PNKD: variants seen among roughly 807,000 people sequenced by gnomAD.
The protein encoded by PNKD is PNKD metallo-beta-lactamase domain containing, also known as probable thioesterase PNKD.
A neutral mutation model predicts 45.3 loss-of-function variants in PNKD; 36 were observed. The observed-to-expected ratio is 0.80, with a 90% confidence interval of 0.61 to 1.05. PNKD has a LOEUF of 1.05. Among genes scored for constraint, PNKD ranks in the 50% least tolerant of loss-of-function variants. The pLI, the probability that PNKD is intolerant of heterozygous loss-of-function variation, is 0.00. For missense variants in PNKD, 511 were observed against 506.6 expected (o/e 1.01, Z -0.08); for synonymous variants, 197 against 210.1 (o/e 0.94, Z 0.54).
intron 2 of PNKD, among the ~76,000 whole-genome samples, chr2:218,301,448 C>T (rs374101828): frequency 2.6e-5 from 4 of 152,248 alleles, no homozygotes; most frequent in Admixed American, 6.5e-5. Context: ...AGTTCCCAGA[C>T]ATGACCACTA....
chr2:218,331,137 G>A (rs757997217), intron 2 of PNKD, among the ~76,000 whole-genome samples: 7 of 152,198 alleles, frequency 4.6e-5, no homozygotes, highest in African/African-American at 1.7e-4. Context: ...GGTTCCAGCC[G>A]GACATGGTGG....
chr2:218,280,174 C>T (rs756070471), intron 2 of PNKD: 26 of 1,372,478 alleles, frequency 1.9e-5, no homozygotes, highest in Non-Finnish European at 2.6e-5. Context: ...AGACATGTGG[C>T]GTCAATCCCA....
intron 2 of PNKD, chr2:218,272,462 A>T: frequency 1.0e-6 from 1 of 970,140 alleles, no homozygotes; most frequent in Non-Finnish European, 1.7e-6. Flanking sequence ...AGACTATAAG[A>T]GGTATTGCAG....
In PNKD at chr2:218,271,555, T is replaced by C. The variant is rs1481240008; in HGVS notation, c.236+6T>C. On this transcript the variant is annotated splice_donor_region_variant and intron_variant, in intron 2 of 9. Transcript: ENST00000273077. Reference sequence around the variant, plus strand: ...AAAGCTGTGGGACTGGCCTGGTGAGTTTTAACCACCCCTTTGCCCACCAAC... The same window carrying C: ...AAAGCTGTGGGACTGGCCTGGTGAGCTTTAACCACCCCTTTGCCCACCAAC... The C allele has an allele frequency of 6.2e-7, 1 of 1,613,166 alleles. No homozygotes were observed. The highest frequency in any genetic ancestry group is 1.1e-5 in the South Asian group (1 of 91,024).
chr2:218,284,279 G>A (rs1336923425), intron 2 of PNKD: 1 of 152,206 alleles, frequency 6.6e-6, no homozygotes, highest in Non-Finnish European at 1.5e-5. Flanking sequence ...GTGAAATAAG[G>A]TGGGGGCGAC....
intron 9 of PNKD, 113 bp from the exon 10 acceptor site, chr2:218,344,695 C>T (rs1574723761): frequency 1.4e-6 from 2 of 1,404,328 alleles, no homozygotes; most frequent in South Asian, 1.2e-5. Context: ...GCCCATGGGC[C>T]CTCAAGTCAG....
intron 2 of PNKD, among the ~76,000 whole-genome samples, chr2:218,276,536 G>C (rs938440424): frequency 6.6e-6 from 1 of 152,136 alleles, no homozygotes; most frequent in Non-Finnish European, 1.5e-5. Context: ...GTCCACAGAA[G>C]GACAGAGCTG....
At chr2:218,324,222 C>CCCTT (rs1694079199) in intron 2 of PNKD, among the ~76,000 whole-genome samples, 1 of 152,206 alleles carries the variant, frequency 6.6e-6, no homozygotes, top group South Asian at 2.1e-4. Flanking sequence ...CTCCGAGGCC[C>CCCTT]CCTGTCCCCT....
In PNKD at chr2:218,303,279, C is replaced by A. The variant is rs150215831; in HGVS notation, c.236+31730C>A. ...AGTCTTTCAGGTTAACTTTGGAATG[C>A]CCTGGCAGAGGAGGGAGTCCATTCA... is the stretch of plus-strand genomic sequence containing the variant. On this transcript the variant is annotated intron_variant, in intron 2 of 9. Transcript: ENST00000273077. Among the ~76,000 whole-genome samples the A allele has an allele frequency of 4.6e-5, 7 of 152,162 alleles. No homozygotes were observed. The East Asian group carries it at 1.4e-3, about 29-fold the overall frequency.
chr2:218,273,339 T>G (rs1203336429), intron 2 of PNKD, among the ~76,000 whole-genome samples: 1 of 152,064 alleles, frequency 6.6e-6, no homozygotes, highest in Non-Finnish European at 1.5e-5. Flanking sequence ...GTTGTGATCG[T>G]CAGCTCACTG....
chr2:218,330,663 T>C (rs1307058587), intron 2 of PNKD, among the ~76,000 whole-genome samples: 18 of 152,226 alleles, frequency 1.2e-4, no homozygotes. Context: ...GGAAATTTTA[T>C]TTTCTTTTTG....
intron 2 of PNKD, among the ~76,000 whole-genome samples, chr2:218,273,606 G>A (rs1174545847): frequency 1.3e-5 from 2 of 151,468 alleles, no homozygotes; most frequent in African/African-American, 4.9e-5. Flanking sequence ...TCAGCCTCCA[G>A]AGTAGCTGGG....
At chr2:218,343,136 G>T (rs559778804) in intron 7 of PNKD, among the ~76,000 whole-genome samples, 18 of 152,224 alleles carry the variant, frequency 1.2e-4, no homozygotes, top group African/African-American at 4.3e-4. Context: ...GTGGGTGGGT[G>T]AGGATCACAA....
chr2:218,338,565 G>A (rs546404628), intron 2 of PNKD, among the ~76,000 whole-genome samples: 116 of 151,830 alleles, frequency 7.6e-4, no homozygotes, highest in African/African-American at 2.6e-3. Context: ...CCAGGAGTTC[G>A]AGACCAGCCT....
At position 218,326,573 on chromosome 2, in the gene PNKD, G is replaced by A. The variant is rs533077562; in HGVS notation, c.237-13210G>A. Among the ~76,000 whole-genome samples the A allele has an allele frequency of 6.6e-6, 1 of 152,276 alleles. No individual in the cohort carries two copies. The highest frequency in any genetic ancestry group is 1.9e-4 in the East Asian group (1 of 5,184). On this transcript the variant is annotated intron_variant, in intron 2 of 9. Coordinates refer to ENST00000273077, the MANE Select transcript of PNKD (RefSeq NM_015488.5). The surrounding 1 kb of genome is among the most constrained non-coding windows in gnomAD (Gnocchi z 4.1). ...GCTCCTGTGAAGATCAAATGAAACC[G>A]CATCTAAAATACACAGGGCCTGGCT...
chr2:218,271,293 C>T, intron 1 of PNKD, 88 bp from the exon 2 acceptor site: 1 of 1,083,946 alleles, frequency 9.2e-7, no homozygotes, highest in Non-Finnish European at 1.4e-6. Context: ...AGATCTCAGC[C>T]GCTCCTCCCA....
At chr2:218,280,489 G>A in intron 2 of PNKD, 1 of 289,544 alleles carries the variant, frequency 3.5e-6, no homozygotes, top group Non-Finnish European at 6.8e-6. Flanking sequence ...GGGACAGAGG[G>A]TAGGAGAAAA....
chr2:218,303,254 A>T (rs1450709361), intron 2 of PNKD, among the ~76,000 whole-genome samples: 1 of 152,010 alleles, frequency 6.6e-6, no homozygotes, highest in Non-Finnish European at 1.5e-5. Context: ...GCCCTGAACC[A>T]GTCTTTCAGG....
At chr2:218,278,350 A>C (rs1489130873) in intron 2 of PNKD, 10 of 709,968 alleles carry the variant, frequency 1.4e-5, no homozygotes, top group Non-Finnish European at 2.4e-5. Context: ...CTAAACACAC[A>C]TGGTCCTTTG....
Sources: allele counts gnomAD v4.1 joint callset (sites outside exome capture counted in the v4.1 genomes callset), GRCh38; gene constraint gnomAD v4.1.1; non-coding constraint Gnocchi (gnomAD v3.1); transcripts MANE v1.5; gene names NCBI Gene and HGNC (gene_info 2026-07-23, HGNC 2026-07-21).